The following CNP variants were observed in gnomAD, a reference collection of about 807,000 sequenced individuals.
The protein encoded by CNP is 2',3'-cyclic-nucleotide 3'-phosphodiesterase.
A neutral mutation model predicts 37.9 loss-of-function variants in CNP; 8 were observed. That is an observed-to-expected ratio of 0.21 (90% CI 0.12 to 0.38). CNP has a LOEUF of 0.38. Ranked by LOEUF, CNP falls within the 10% of genes least tolerant of loss-of-function variation. The pLI is 1.00. For missense variants in CNP, 457 were observed against 551.0 expected (o/e 0.83, Z 1.71); for synonymous variants, 237 against 238.3 (o/e 0.99, Z 0.05).
chr17:41,970,318 G>T (rs1739676441), intron 2 of CNP: 1 of 151,634 alleles, frequency 6.6e-6, no homozygotes, highest in African/African-American at 2.4e-5. Flanking sequence ...TCTTGACCAG[G>T]CTGGTCGGTA....
Position 41,966,797 on chromosome 17 carries a change from C to T in CNP, c.-88C>T, listed in dbSNP as rs1266172994. The stretch of plus-strand genomic sequence containing the variant: ...AGCGGCCGGGCTCGGGTCGTGCCAC[C>T]GCTGGACTCCCGTGTCCCTCCGCGC... On this transcript the variant is annotated 5_prime_UTR_variant, in exon 1 of 4. Coordinates refer to ENST00000393892, the MANE Select transcript of CNP (RefSeq NM_033133.5). The T allele has an allele frequency of 1.5e-5, 20 of 1,348,546 alleles. No individual in the cohort carries two copies. The highest frequency in any genetic ancestry group is 1.7e-5 in the South Asian group (1 of 57,590). The allele number at this position is 1,348,546 out of a possible 1,614,324, so 83.5% of individuals were successfully genotyped here. A position where few individuals can be genotyped will look rare whatever the true frequency, so the allele number is the denominator to read the frequency against.
rs1555643318 is a variant in CNP, at chr17:41,968,673, C to T, written c.609C>T (p.Arg203=). Reference sequence around the variant, plus strand: ...CCAAGAAGAGCTCTGAGACCCTCCGCAAAGCCGGCCAGGTCTTCCTGGAAG... The same window carrying T: ...CCAAGAAGAGCTCTGAGACCCTCCGTAAAGCCGGCCAGGTCTTCCTGGAAG... ...FLTKKSSETL[R]KAGQVFLEEL... Residue 203 remains arginine (R), a synonymous_variant, in exon 2 of 4, where the codon CGC becomes CGT. Transcript: ENST00000393892. The surrounding 1 kb of genome is among the most constrained non-coding windows in gnomAD (Gnocchi z 4.8). 2 of 1,614,106 alleles carry T rather than the reference C, an allele frequency of 1.2e-6. No individual in the cohort carries two copies. The highest frequency in any genetic ancestry group is 4.5e-5 in the East Asian group (2 of 44,886).
chr17:41,968,817 T>G lies in CNP; in HGVS notation c.676+77T>G. ...TGCGGGCAAAGGACCATCATTGTAC[T>G]CAAAGGATGGAGCACGAAGCAGCAG... On this transcript the variant is annotated intron_variant, in intron 2 of 3. Coordinates refer to ENST00000393892, the MANE Select transcript of CNP (RefSeq NM_033133.5). This position sits in a 1 kb window ranked among gnomAD's most constrained non-coding sequence, Gnocchi z 4.8. 2.7e-6 allele frequency: 4 copies of G among 1,456,172 alleles called. No individual in the cohort carries two copies. Among genetic ancestry groups the G allele is most frequent in the Non-Finnish European group, 3.7e-6 (4 of 1,091,394 alleles). The allele number at this position is 1,456,172 out of a possible 1,614,324, so 90.2% of individuals were successfully genotyped here.
At position 41,977,522 on chromosome 17, in the gene CNP, G is replaced by T. The variant is rs1257024129; in HGVS notation, c.*3598G>T. ...AACATGCTACCTGATCCCACTCCTA[G>T]GACATGTTCCCTTCTCCTTCCAACT... On this transcript the variant is annotated 3_prime_UTR_variant, in exon 4 of 4. Coordinates refer to ENST00000393892, the MANE Select transcript of CNP (RefSeq NM_033133.5). 2 of 485,168 alleles carry T rather than the reference G, an allele frequency of 4.1e-6. No homozygotes were observed. Among genetic ancestry groups the T allele is most frequent in the Non-Finnish European group, 7.4e-6 (2 of 270,292 alleles). The allele number at this position is 485,168 out of a possible 1,614,324, so 30.1% of individuals were successfully genotyped here.
intron 1 of CNP, chr17:41,967,223 G>A (rs1276641960): frequency 5.2e-5 from 13 of 251,672 alleles, no homozygotes; most frequent in Non-Finnish European, 9.8e-5. Context: ...CCGCTTCGGC[G>A]CCCCCTCCCC....
In CNP at chr17:41,968,255, C is replaced by G. The variant is rs1399503893; in HGVS notation, c.191C>G (p.Ser64Cys). ...ILRGLPGSGK[S>C]TLARVIVDKY... ...CGCGGCCTGCCAGGAAGCGGCAAGT[C>G]CACGCTGGCACGGGTCATCGTGGAC... is the stretch of plus-strand genomic sequence containing the variant. Residue 64 changes from serine (S) to cysteine (C), a missense_variant, in exon 2 of 4, where the codon TCC (serine) becomes TGC (cysteine). By Grantham distance (112) the Ser-to-Cys change is moderately radical (BLOSUM62 -1). Transcript: ENST00000393892. The surrounding 1 kb of genome is among the most constrained non-coding windows in gnomAD (Gnocchi z 4.8). 3 of 1,614,028 alleles carry G rather than the reference C, an allele frequency of 1.9e-6. No individual in the cohort carries two copies. The highest frequency in any genetic ancestry group is 2.5e-6 in the Non-Finnish European group (3 of 1,180,010).
chr17:41,971,785 T>G, intron 2 of CNP, 107 bp from the exon 3 acceptor site: 2 of 1,436,686 alleles, frequency 1.4e-6, no homozygotes, highest in Admixed American at 1.9e-5. Flanking sequence ...GCTGGAGAGG[T>G]GATGCTTAGT....
chr17:41,976,728 C>T lies in CNP; in HGVS notation c.*2804C>T, dbSNP rs748657312. 1 of 1,608,906 alleles carries T rather than the reference C, an allele frequency of 6.2e-7. No homozygotes were observed. Among genetic ancestry groups the T allele is most frequent in the East Asian group, 2.2e-5 (1 of 44,658 alleles). ...ATTTTCTGGGTTCTGGGTGGTTGCC[C>T]TTCATTAGCCAAATTGAAAAAAGAA... On this transcript the variant is annotated 3_prime_UTR_variant, in exon 4 of 4. Transcript: ENST00000393892.
chr17:41,977,434 T>C lies in CNP; in HGVS notation c.*3510T>C, dbSNP rs782303187. 301 of 965,700 alleles carry C rather than the reference T, an allele frequency of 3.1e-4. No individual in the cohort carries two copies. Among genetic ancestry groups the C allele is most frequent in the Non-Finnish European group, 4.2e-4 (268 of 636,804 alleles). The allele number at this position is 965,700 out of a possible 1,614,324, so 59.8% of individuals were successfully genotyped here. On this transcript the variant is annotated 3_prime_UTR_variant, in exon 4 of 4. Coordinates refer to ENST00000393892, the MANE Select transcript of CNP (RefSeq NM_033133.5). ...ATCTCCAAAGCTTTCCTGGAGAGTC[T>C]CACTCCCCTCCTTTCCCAACACTTC...
intron 2 of CNP, 65 bp from the exon 3 acceptor site, chr17:41,971,827 C>T: frequency 6.3e-7 from 1 of 1,598,680 alleles, no homozygotes; most frequent in Non-Finnish European, 8.6e-7. Flanking sequence ...CCTCGGTGGT[C>T]CTGGTGGCGG....
chr17:41,969,275 T>C (rs1555643457), intron 2 of CNP, among the ~76,000 whole-genome samples: 2 of 152,186 alleles, frequency 1.3e-5, no homozygotes, highest in African/African-American at 4.8e-5. Context: ...ACTCATGGGT[T>C]TGTGGCATCT....
At position 41,977,408 on chromosome 17, in the gene CNP, G is replaced by T; in HGVS notation, c.*3484G>T. 8.0e-7 allele frequency: 1 copy of T among 1,247,524 alleles called. No homozygotes were observed. Among genetic ancestry groups the T allele is most frequent in the Non-Finnish European group, 1.1e-6 (1 of 877,390 alleles). The allele number at this position is 1,247,524 out of a possible 1,614,324, so 77.3% of individuals were successfully genotyped here. A position where few individuals can be genotyped will look rare whatever the true frequency, so the allele number is the denominator to read the frequency against. On this transcript the variant is annotated 3_prime_UTR_variant, in exon 4 of 4. Transcript: ENST00000393892. ...AAGAGAACTGATGACACTGAGAACAGATCTCCAAAGCTTTCCTGGAGAGTC... is the reference window on the plus strand; with the variant it reads ...AAGAGAACTGATGACACTGAGAACATATCTCCAAAGCTTTCCTGGAGAGTC...
At position 41,977,332 on chromosome 17, in the gene CNP, C is replaced by G. The variant is rs2051114660; in HGVS notation, c.*3408C>G. ...ATTGTTTGGATCAAAATCTGTAGAG[C>G]AGGGCAAGTAACATGGAAGGGAAGA... On this transcript the variant is annotated 3_prime_UTR_variant, in exon 4 of 4. Coordinates refer to ENST00000393892, the MANE Select transcript of CNP (RefSeq NM_033133.5). 6.3e-7 allele frequency: 1 copy of G among 1,574,820 alleles called. No individual in the cohort carries two copies. The highest frequency in any genetic ancestry group is 1.4e-5 in the African/African-American group (1 of 74,034).
Position 41,966,901 on chromosome 17 carries a change from C to A in CNP, c.3+14C>A. The A allele has an allele frequency of 7.5e-7, 1 of 1,340,466 alleles. No homozygotes were observed. 83.0% of individuals were successfully genotyped at this position (1,340,466 alleles called of 1,614,324 possible). The stretch of plus-strand genomic sequence containing the variant: ...CTCCTCATCATGGTGAGAGGCCGGG[C>A]GGGGCCGGGCACGGGGTAGCACCAG... On this transcript the variant is annotated intron_variant, in intron 1 of 3. Transcript: ENST00000393892.
Position 41,976,475 on chromosome 17 carries a change from T to A in CNP, c.*2551T>A. 1 of 467,672 alleles carries A rather than the reference T, an allele frequency of 2.1e-6. No homozygotes were observed. The highest frequency in any genetic ancestry group is 4.2e-5 in the East Asian group (1 of 23,936). The allele number at this position is 467,672 out of a possible 1,614,324, so 29.0% of individuals were successfully genotyped here. A position where few individuals can be genotyped will look rare whatever the true frequency, so the allele number is the denominator to read the frequency against. On this transcript the variant is annotated 3_prime_UTR_variant, in exon 4 of 4. Coordinates refer to ENST00000393892, the MANE Select transcript of CNP (RefSeq NM_033133.5). Reference sequence around the variant, plus strand: ...CATTTTATTCTCTTTTTTTTTTCTTTTTTAATAAAGTTAAACAGTAAAACA... The same window carrying A: ...CATTTTATTCTCTTTTTTTTTTCTTATTTAATAAAGTTAAACAGTAAAACA...
chr17:41,966,914 G>T, intron 1 of CNP, 27 bp downstream of exon 1: 1 of 1,321,864 alleles, frequency 7.6e-7, no homozygotes, highest in South Asian at 1.9e-5. Flanking sequence ...GGCCGGGCAC[G>T]GGGTAGCACC....
In CNP at chr17:41,968,576, C is replaced by T. The variant is rs782103729; in HGVS notation, c.512C>T (p.Ala171Val). 2 of 1,613,952 alleles carry T rather than the reference C, an allele frequency of 1.2e-6. No homozygotes were observed. The highest frequency in any genetic ancestry group is 1.7e-6 in the Non-Finnish European group (2 of 1,180,042). The change falls in exon 2 of 4, where the codon GCT becomes GTT. Residue 171 changes from alanine to valine, a missense_variant. Transcript: ENST00000393892. The surrounding 1 kb of genome is among the most constrained non-coding windows in gnomAD (Gnocchi z 4.8). ...LKEKNQWQLS[A>V]DDLKKLKPGL... ...GAGAAGAACCAGTGGCAGCTGTCGG[C>T]TGATGACCTGAAGAAGCTGAAGCCT...
intron 1 of CNP, chr17:41,967,622 G>A: frequency 1.0e-6 from 1 of 1,001,744 alleles, no homozygotes; most frequent in Non-Finnish European, 1.2e-6. Context: ...ATCTGTTGCG[G>A]CCATTGTTGG....
In CNP at chr17:41,977,251, G is replaced by GC. The variant is rs2051111480; in HGVS notation, c.*3330dup. The GC allele has an allele frequency of 1.2e-5, 19 of 1,576,692 alleles. No individual in the cohort carries two copies. The highest frequency in any genetic ancestry group is 9.4e-5 in the African/African-American group (7 of 74,094). On this transcript the variant is annotated 3_prime_UTR_variant, in exon 4 of 4. Transcript: ENST00000393892. ...ATCTGGGAACTCCCAAGAACAGCAG[G>GC]CCCACCTACCTTCAAAGCTGAAGCC...
Sources: gnomAD v4.1 joint callset for allele counts (sites outside exome capture counted in the v4.1 genomes callset) on GRCh38, gnomAD v4.1.1 for gene constraint, Gnocchi (gnomAD v3.1) non-coding constraint, MANE v1.5 for transcripts, NCBI Gene and HGNC (gene_info 2026-07-23, HGNC 2026-07-21) for gene names.